DNHD1: variants seen among roughly 807,000 people sequenced by gnomAD.
DNHD1 encodes dynein heavy chain domain-containing protein 1.
Under a neutral mutation model 458.1 loss-of-function variants are expected in DNHD1, and 383 were observed. The ratio of observed to expected loss-of-function variants is 0.84; its 90% CI spans 0.77 to 0.91. DNHD1 has a LOEUF of 0.91. DNHD1 is among the 40% of genes least tolerant of loss of function. The pLI, the probability that DNHD1 is intolerant of heterozygous loss-of-function variation, is 0.00. For missense variants in DNHD1, 5,336 were observed against 5,866.1 expected (o/e 0.91, Z 2.95); for synonymous variants, 2,203 against 2,376.9 (o/e 0.93, Z 2.13).
intron 24 of DNHD1, 96 bp downstream of exon 24, chr11:6,549,029 T>C: frequency 1.5e-6 from 2 of 1,323,762 alleles, no homozygotes; most frequent in Non-Finnish European, 2.1e-6. Flanking sequence ...TATATGTCTG[T>C]AGATCTAACT....
chr11:6,567,917 G>A, intron 36 of DNHD1, 57 bp downstream of exon 36: 2 of 1,504,932 alleles, frequency 1.3e-6, no homozygotes, highest in Non-Finnish European at 1.8e-6. Context: ...CTGGGGCATG[G>A]GGGACCCCCT....
In DNHD1 at chr11:6,505,355, C is replaced by T. The variant is rs979857743; in HGVS notation, c.920+2429C>T. 2.0e-5 allele frequency among the ~76,000 whole-genome samples: 3 copies of T among 152,062 alleles called. No individual in the cohort carries two copies. Among genetic ancestry groups the T allele is most frequent in the Admixed American group, 6.6e-5 (1 of 15,262 alleles). ...CGCATCTCCGCCTCCCAGGTTCAAG[C>T]GATTCTCCTGCCACAGCCTCCCAAG... On this transcript the variant is annotated intron_variant, in intron 4 of 42. Transcript: ENST00000254579. The surrounding 1 kb of genome is among the most constrained non-coding windows in gnomAD (Gnocchi z 4.4).
intron 9 of DNHD1, 39 bp downstream of exon 9, chr11:6,520,141 C>T: frequency 6.2e-7 from 1 of 1,613,872 alleles, no homozygotes; most frequent in Non-Finnish European, 8.5e-7. Flanking sequence ...GTGGGAATTC[C>T]CAGTTCCTAT....
At position 6,520,204 on chromosome 11, in the gene DNHD1, C is replaced by T. The variant is rs73404907; in HGVS notation, c.1786-34C>T. 500 of 1,577,644 alleles carry T rather than the reference C, an allele frequency of 3.2e-4. 1 individual carries two copies. The African/African-American group carries it at 6.4e-3, about 20-fold the overall frequency. On this transcript the variant is annotated intron_variant, in intron 9 of 42. Coordinates refer to ENST00000254579, the MANE Select transcript of DNHD1 (RefSeq NM_144666.3). The stretch of plus-strand genomic sequence containing the variant: ...TGGTTTGAATCCCTCATTGCTTTCC[C>T]ATTTCTGCCCCTTCTCCATATCCTG...
chr11:6,512,283 G>T (rs56986302), intron 7 of DNHD1, among the ~76,000 whole-genome samples: 11 of 137,258 alleles, frequency 8.0e-5, no homozygotes, highest in South Asian at 4.8e-4. Flanking sequence ...TGCAGTGGCG[G>T]GATCTCGGCT....
Position 6,508,884 on chromosome 11 carries a change from T to G in DNHD1, c.925T>G (p.Tyr309Asp). Residue 309 changes from tyrosine (Y) to aspartate (D), a missense_variant, in exon 5 of 43, where the codon TAC becomes GAC. Tyr to Asp is a radical substitution (Grantham distance 160). Transcript: ENST00000254579. ...NVAPSRYFRPYSLMVVPPDKV... is the reference protein window; with the variant it reads ...NVAPSRYFRPDSLMVVPPDKV... ...ATCAGAGCTCTTTTTTTAAAGGCCT[T>G]ACAGCCTGATGGTGGTGCCACCCGA... The G allele has an allele frequency of 1.9e-6, 3 of 1,614,108 alleles. No homozygotes were observed. The highest frequency in any genetic ancestry group is 1.7e-6 in the Non-Finnish European group (2 of 1,180,032).
rs769172174 is a variant in DNHD1, at chr11:6,548,228, T to C, written c.6924T>C (p.Asp2308=). ...HLPSRFWPIF[D]TFIRDSISRL... is the part of the protein sequence containing the mutation. The stretch of plus-strand genomic sequence containing the variant: ...TGAGCAGGTTCTGGCCCATCTTTGA[T>C]ACCTTCATAAGGGATTCTATTAGTC... Residue 2308 remains aspartate (D), a synonymous_variant, in exon 23 of 43, where the codon GAT becomes GAC. Coordinates refer to ENST00000254579, the MANE Select transcript of DNHD1 (RefSeq NM_144666.3). The surrounding 1 kb of genome is among the most constrained non-coding windows in gnomAD (Gnocchi z 4.4). 6.4e-7 allele frequency: 1 copy of C among 1,551,712 alleles called. No homozygotes were observed. Among genetic ancestry groups the C allele is most frequent in the South Asian group, 1.2e-5 (1 of 84,060 alleles).
At position 6,519,740 on chromosome 11, in the gene DNHD1, G is replaced by A; in HGVS notation, c.1533G>A (p.Glu511=). 2 of 1,614,146 alleles carry A rather than the reference G, an allele frequency of 1.2e-6. No individual in the cohort carries two copies. The highest frequency in any genetic ancestry group is 8.5e-7 in the Non-Finnish European group (1 of 1,180,042). ...KQLEQKLKQA[E]AWWLQLGKFA... is the part of the protein sequence containing the mutation. ...TGGAGCAGAAGCTGAAGCAAGCAGA[G>A]GCCTGGTGGCTGCAGCTGGGAAAGT... Residue 511 remains glutamate (E), a synonymous_variant, in exon 8 of 43, where the codon GAG becomes GAA. Transcript: ENST00000254579.
Position 6,520,018 on chromosome 11 carries a change from T to G in DNHD1, c.1701T>G (p.Gly567=), listed in dbSNP as rs771187718. The change falls in exon 9 of 43, where the codon GGT becomes GGG. Residue 567 remains glycine, a synonymous_variant. Coordinates refer to ENST00000254579, the MANE Select transcript of DNHD1 (RefSeq NM_144666.3). ...CACAGCTGGTCTTTGATGATCATGG[T>G]CAACTGTCTCATGTGCCCTGTGTTG... ...LSSQLVFDDH[G]QLSHVPCVEN... is the part of the protein sequence containing the mutation. 1 of 1,614,150 alleles carries G rather than the reference T, an allele frequency of 6.2e-7. No individual in the cohort carries two copies. Among genetic ancestry groups the G allele is most frequent in the Non-Finnish European group, 8.5e-7 (1 of 1,180,028 alleles).
In DNHD1 at chr11:6,548,360, C is replaced by G. The variant is rs187920205; in HGVS notation, c.7056C>G (p.Ser2352Arg). The change falls in exon 23 of 43, where the codon AGC (serine) becomes AGG (arginine). Residue 2352 changes from serine (S) to arginine (R), a missense_variant. By Grantham distance (110) the Ser-to-Arg change is moderately radical. Coordinates refer to ENST00000254579, the MANE Select transcript of DNHD1 (RefSeq NM_144666.3). This position sits in a 1 kb window ranked among gnomAD's most constrained non-coding sequence, Gnocchi z 4.4. Reference protein sequence around the residue: ...LVPFTGQYLSSHIKGTLGTFH... With the variant: ...LVPFTGQYLSRHIKGTLGTFH... ...CCTTCACTGGCCAATACCTGAGCAGCCACATCAAAGGAACTTTGGGCACCT... is the reference window on the plus strand; with the variant it reads ...CCTTCACTGGCCAATACCTGAGCAGGCACATCAAAGGAACTTTGGGCACCT... 1.0e-4 allele frequency: 157 copies of G among 1,551,706 alleles called. 2 individuals are homozygous for G. In the African/African-American group the frequency reaches 2.1e-3, roughly 20 times the overall value.
At position 6,558,623 on chromosome 11, in the gene DNHD1, G is replaced by C. The variant is rs1251293375; in HGVS notation, c.9141G>C (p.Trp3047Cys). Reference sequence around the variant, plus strand: ...CCAGCATTGACCGCTATGAACCCTGGGACCAAGCTGCCCTGGCCAAGGTGG... The same window carrying C: ...CCAGCATTGACCGCTATGAACCCTGCGACCAAGCTGCCCTGGCCAAGGTGG... ...ATASIDRYEPWDQAALAKVAQ... is the reference protein window; with the variant it reads ...ATASIDRYEPCDQAALAKVAQ... Residue 3047 changes from tryptophan to cysteine, a missense_variant, in exon 26 of 43, where the codon TGG (tryptophan) becomes TGC (cysteine). Physicochemically the swap from Trp to Cys is radical, Grantham distance 215. Around this residue, in one of 4 missense-constraint regions of DNHD1, gnomAD observed 3,932 missense variants for 4,365.6 expected, o/e 0.90. Transcript: ENST00000254579. 1 of 1,551,664 alleles carries C rather than the reference G, an allele frequency of 6.4e-7. No individual in the cohort carries two copies. Among genetic ancestry groups the C allele is most frequent in the Non-Finnish European group, 8.7e-7 (1 of 1,146,996 alleles).
chr11:6,561,656 T>G (rs1232301465), intron 28 of DNHD1, among the ~76,000 whole-genome samples: 6 of 152,202 alleles, frequency 3.9e-5, no homozygotes, highest in Non-Finnish European at 5.9e-5. Context: ...ACAGAGCGTG[T>G]ATATAACATG....
At position 6,571,548 on chromosome 11, in the gene DNHD1, A is replaced by C; in HGVS notation, c.13912-88A>C. ...CTGCTAGCTTCTCCGATCTCGCTTCACCACGACCTCCTACCCGCTAACCCC... is the reference window on the plus strand; with the variant it reads ...CTGCTAGCTTCTCCGATCTCGCTTCCCCACGACCTCCTACCCGCTAACCCC... On this transcript the variant is annotated intron_variant, in intron 42 of 42. Coordinates refer to ENST00000254579, the MANE Select transcript of DNHD1 (RefSeq NM_144666.3). The surrounding 1 kb of genome is among the most constrained non-coding windows in gnomAD (Gnocchi z 5.0). The C allele has an allele frequency of 6.9e-7, 1 of 1,458,134 alleles. No homozygotes were observed. Among genetic ancestry groups the C allele is most frequent in the Non-Finnish European group, 9.1e-7 (1 of 1,093,388 alleles). 90.3% of individuals were successfully genotyped at this position (1,458,134 alleles called of 1,614,324 possible). A position where few individuals can be genotyped will look rare whatever the true frequency, so the allele number is the denominator to read the frequency against.
In DNHD1 at chr11:6,539,982, T is replaced by C. The variant is rs758774031; in HGVS notation, c.3527T>C (p.Val1176Ala). The C allele has an allele frequency of 1.1e-5, 17 of 1,551,620 alleles. No homozygotes were observed. The highest frequency in any genetic ancestry group is 2.4e-5 in the East Asian group (1 of 40,934). The stretch of plus-strand genomic sequence containing the variant: ...CGCCTGCTCAACTTCATCCTGCATG[T>C]ACCCTACGAGCCCCCAGCCTCAGAG... ...QLRLLNFILH[V>A]PYEPPASERS... Residue 1176 changes from valine to alanine, a missense_variant, in exon 18 of 43, where the codon GTA (valine) becomes GCA (alanine). By Grantham distance (64) the Val-to-Ala change is moderately conservative. Transcript: ENST00000254579.
rs941927445 is a variant in DNHD1, at chr11:6,520,375, G to A, written c.1837+86G>A. On this transcript the variant is annotated intron_variant, in intron 10 of 42. Coordinates refer to ENST00000254579, the MANE Select transcript of DNHD1 (RefSeq NM_144666.3). ...TAATGGCATGGGAAGAAGGCAGGAG[G>A]TCCAGGCTATAGAGTCAGGCACTGG... 8.4e-6 allele frequency: 13 copies of A among 1,548,724 alleles called. No homozygotes were observed. In the Admixed American group the frequency reaches 2.4e-4, roughly 28 times the overall value.
In DNHD1 at chr11:6,547,360, T is replaced by C; in HGVS notation, c.6421T>C (p.Cys2141Arg). The C allele has an allele frequency of 6.4e-7, 1 of 1,551,736 alleles. No individual in the cohort carries two copies. Among genetic ancestry groups the C allele is most frequent in the Non-Finnish European group, 8.7e-7 (1 of 1,146,994 alleles). ...AGGCATATCCCCCACAGTGGTAGGC[T>C]GTTGTGCCCTAGTCTGGTGTGGTGG... The part of the protein sequence containing the change: ...TTGISPTVVG[C>R]CALVWCGGEQ... The change falls in exon 21 of 43, where the codon TGT becomes CGT. Residue 2141 changes from cysteine to arginine, a missense_variant. This residue lies in a region of DNHD1 where 3,932 missense variants were observed against 4,365.6 expected (regional missense o/e 0.90). Transcript: ENST00000254579.
chr11:6,532,955 T>C, intron 12 of DNHD1, 72 bp from the exon 13 acceptor site: 1 of 1,444,014 alleles, frequency 6.9e-7, no homozygotes. Context: ...ACTCCCACTC[T>C]GGACCACAGC....
Position 6,571,553 on chromosome 11 carries a change from G to A in DNHD1, c.13912-83G>A. ...AGCTTCTCCGATCTCGCTTCACCAC[G>A]ACCTCCTACCCGCTAACCCCCACTT... On this transcript the variant is annotated intron_variant, in intron 42 of 42. Coordinates refer to ENST00000254579, the MANE Select transcript of DNHD1 (RefSeq NM_144666.3). This position sits in a 1 kb window ranked among gnomAD's most constrained non-coding sequence, Gnocchi z 5.0. 1.4e-6 allele frequency: 2 copies of A among 1,458,136 alleles called. No homozygotes were observed. Among genetic ancestry groups the A allele is most frequent in the East Asian group, 2.5e-5 (1 of 40,082 alleles). The allele number at this position is 1,458,136 out of a possible 1,614,324, so 90.3% of individuals were successfully genotyped here. A position where few individuals can be genotyped will look rare whatever the true frequency, so the allele number is the denominator to read the frequency against.
chr11:6,534,382 T>C (rs1328046624), intron 14 of DNHD1, among the ~76,000 whole-genome samples: 2 of 150,368 alleles, frequency 1.3e-5, no homozygotes, highest in African/African-American at 4.9e-5. Flanking sequence ...GGTGGGGGTA[T>C]GGGGGCTCAC....
Sources: gnomAD v4.1 joint callset for allele counts (sites outside exome capture counted in the v4.1 genomes callset) on GRCh38, gnomAD v4.1.1 for gene constraint, gnomAD v4.1.1 regional missense constraint, Gnocchi (gnomAD v3.1) non-coding constraint, MANE v1.5 for transcripts, NCBI Gene and HGNC (gene_info 2026-07-23, HGNC 2026-07-21) for gene names.